The following KLHL7 variants were observed in gnomAD, a reference collection of about 807,000 sequenced individuals.
KLHL7 encodes kelch like family member 7.
A neutral mutation model predicts 67.4 loss-of-function variants in KLHL7; 44 were observed. The observed-to-expected ratio is 0.65, with a 90% CI of 0.51 to 0.84. The LOEUF is 0.84. KLHL7 is among the 40% of genes least tolerant of loss of function. The pLI, the probability that KLHL7 is intolerant of heterozygous loss-of-function variation, is 0.00. For missense variants in KLHL7, 362 were observed against 718.1 expected, an observed-to-expected ratio of 0.50 and a Z score of 5.67; for synonymous variants, 252 against 243.3, an observed-to-expected ratio of 1.04 and a Z score of -0.33.
chr7:23,112,095 C>T (rs1782900030), intron 1 of KLHL7, among the ~76,000 whole-genome samples: 1 of 152,124 alleles, frequency 6.6e-6, no homozygotes, highest in African/African-American at 2.4e-5. Context: ...ATTAAGATAA[C>T]TTAAAATACG....
At chr7:23,171,154 CT>C in intron 9 of KLHL7, 1 of 355,448 alleles carries the variant, frequency 2.8e-6, no homozygotes, top group Non-Finnish European at 5.7e-6. Flanking sequence ...ATCTGCCCAC[CT>C]TGGCCTCCCA....
rs867358889 is a variant in KLHL7, at chr7:23,125,054, C to T, written c.324C>T (p.Ser108=). ...CCCTCTAACTTATTTGCAGAATTTC[C>T]GTGAATAGCAACAATGTTCAGTCTT... ...LVEFAYTARI[S]VNSNNVQSLL... The change falls in exon 4 of 11, where the codon TCC becomes TCT. Residue 108 remains serine (S), a synonymous_variant. Coordinates refer to ENST00000339077, the MANE Select transcript of KLHL7 (RefSeq NM_001031710.3). The T allele has an allele frequency of 1.6e-5, 26 of 1,611,474 alleles. No homozygotes were observed. Among genetic ancestry groups the T allele is most frequent in the Admixed American group, 3.3e-5 (2 of 59,978 alleles).
In KLHL7 at chr7:23,109,022, ATATG is replaced by A. The variant is rs1345181218; in HGVS notation, c.120+2884_120+2887del. Among the ~76,000 whole-genome samples, 5 of 152,332 alleles carry A rather than the reference ATATG, an allele frequency of 3.3e-5. No homozygotes were observed. The East Asian group carries it at 9.6e-4, about 29-fold the overall frequency. On this transcript the variant is annotated intron_variant, in intron 1 of 10. Coordinates refer to ENST00000339077, the MANE Select transcript of KLHL7 (RefSeq NM_001031710.3). ...ACTTTGTACATGCCTTTTGGTATGC[ATATG>A]TATGTATTAATATTTGTGTTGGGAA...
At chr7:23,167,809 G>C (rs1785046718) in intron 8 of KLHL7, 27 bp from the exon 9 acceptor site, 1 of 1,607,128 alleles carries the variant, frequency 6.2e-7, no homozygotes, top group South Asian at 1.1e-5. Flanking sequence ...CTAAAGTTAA[G>C]CATGATGGGG....
At chr7:23,147,622 C>T (rs1325555437) in intron 6 of KLHL7, among the ~76,000 whole-genome samples, 1 of 152,120 alleles carries the variant, frequency 6.6e-6, no homozygotes, top group Non-Finnish European at 1.5e-5. Flanking sequence ...CCTTAATCAT[C>T]AGGAATATTG....
intron 1 of KLHL7, among the ~76,000 whole-genome samples, chr7:23,118,425 G>C (rs570279442): frequency 2.6e-5 from 4 of 152,318 alleles, no homozygotes; most frequent in African/African-American, 9.6e-5. Flanking sequence ...AGGCAGAGCA[G>C]CTGATGAGCA....
At chr7:23,165,228 C>T (rs544940682) in intron 7 of KLHL7, among the ~76,000 whole-genome samples, 10 of 152,280 alleles carry the variant, frequency 6.6e-5, no homozygotes, top group Admixed American at 1.3e-4. Flanking sequence ...CACAAAATAC[C>T]TTCTGGCTTT....
At chr7:23,112,007 T>C (rs1782896795) in intron 1 of KLHL7, among the ~76,000 whole-genome samples, 1 of 151,954 alleles carries the variant, frequency 6.6e-6, no homozygotes, top group African/African-American at 2.4e-5. Flanking sequence ...AGTGATAGAT[T>C]AAAAAGATAA....
chr7:23,160,322 C>A lies in KLHL7; in HGVS notation c.937-5376C>A, dbSNP rs118086898. Among the ~76,000 whole-genome samples, 1,003 of 152,300 alleles carry A rather than the reference C, an allele frequency of 6.6e-3. 4 individuals are homozygous for A. The highest frequency in any genetic ancestry group is 0.014 in the Middle Eastern group (4 of 294). On this transcript the variant is annotated intron_variant, in intron 7 of 10. Transcript: ENST00000339077. The stretch of plus-strand genomic sequence containing the variant: ...CTACTCAAAGGACAAGTACTGTTAT[C>A]AAGCATAATATCCATGTCATGCTTA...
chr7:23,167,355 A>G (rs995232082), intron 8 of KLHL7, among the ~76,000 whole-genome samples: 2 of 152,154 alleles, frequency 1.3e-5, no homozygotes, highest in Non-Finnish European at 2.9e-5. Context: ...ATAGTTAGGA[A>G]ATATAATTTT....
intron 9 of KLHL7, chr7:23,172,043 A>C (rs1355202425): frequency 4.9e-6 from 2 of 410,676 alleles, no homozygotes; most frequent in East Asian, 7.4e-5. Context: ...AGATATAAAC[A>C]ATAATTATAG....
intron 9 of KLHL7, chr7:23,172,128 C>T: frequency 2.2e-6 from 1 of 456,272 alleles, no homozygotes; most frequent in Non-Finnish European, 4.4e-6. Context: ...TTTAAGTTAG[C>T]TGCTGAAAGC....
chr7:23,109,671 T>C (rs986617366), intron 1 of KLHL7, among the ~76,000 whole-genome samples: 1 of 152,218 alleles, frequency 6.6e-6, no homozygotes, highest in Non-Finnish European at 1.5e-5. Flanking sequence ...GACTGTAAAT[T>C]ACTACATGTC....
intron 10 of KLHL7, 98 bp from the exon 11 acceptor site, chr7:23,173,917 C>A: frequency 8.0e-7 from 1 of 1,242,382 alleles, no homozygotes; most frequent in South Asian, 1.3e-5. Flanking sequence ...ACATTTTTCA[C>A]AATAAAATAT....
At chr7:23,123,444 A>G (rs1423343508) in intron 1 of KLHL7, among the ~76,000 whole-genome samples, 2 of 151,860 alleles carry the variant, frequency 1.3e-5, no homozygotes, top group Non-Finnish European at 2.9e-5. Flanking sequence ...AATTTCCCCC[A>G]GAAAAGCTTA....
intron 1 of KLHL7, among the ~76,000 whole-genome samples, chr7:23,122,301 A>G (rs1303287122): frequency 6.6e-6 from 1 of 152,156 alleles, no homozygotes; most frequent in Non-Finnish European, 1.5e-5. Flanking sequence ...ATGATCTGAT[A>G]TAATCTGATT....
chr7:23,126,461 A>G (rs767902523), intron 4 of KLHL7, among the ~76,000 whole-genome samples: 2 of 152,190 alleles, frequency 1.3e-5, no homozygotes, highest in Non-Finnish European at 2.9e-5. Context: ...AGCAGGGAGG[A>G]AAGAAAAGTA....
chr7:23,119,308 G>A (rs1004802904), intron 1 of KLHL7, among the ~76,000 whole-genome samples: 1 of 152,052 alleles, frequency 6.6e-6, no homozygotes, highest in Non-Finnish European at 1.5e-5. Flanking sequence ...GGGTTCAAGC[G>A]ATTCTCATGC....
chr7:23,174,422 G>A lies in KLHL7; in HGVS notation c.*124G>A. The A allele has an allele frequency of 1.0e-6, 1 of 954,644 alleles. No homozygotes were observed. The highest frequency in any genetic ancestry group is 1.7e-6 in the Non-Finnish European group (1 of 604,942). 59.1% of individuals were successfully genotyped at this position (954,644 alleles called of 1,614,324 possible). A position where few individuals can be genotyped will look rare whatever the true frequency, so the allele number is the denominator to read the frequency against. On this transcript the variant is annotated 3_prime_UTR_variant, in exon 11 of 11. Coordinates refer to ENST00000339077, the MANE Select transcript of KLHL7 (RefSeq NM_001031710.3). ...TAAAGAAAGTTTCAAGTGAAATGAGGTTCCTATAAAATAGATGTTTCTTTT... is the reference window on the plus strand; with the variant it reads ...TAAAGAAAGTTTCAAGTGAAATGAGATTCCTATAAAATAGATGTTTCTTTT...
Sources: gnomAD v4.1 joint callset for allele counts (sites outside exome capture counted in the v4.1 genomes callset) on GRCh38, gnomAD v4.1.1 for gene constraint, MANE v1.5 for transcripts, NCBI Gene and HGNC (gene_info 2026-07-23, HGNC 2026-07-21) for gene names.